Variants in CPLANE1 observed in about 807,000 individuals in gnomAD.
The protein encoded by CPLANE1 is ciliogenesis and planar polarity effector complex subunit 1, also known as ciliogenesis and planar polarity effector 1.
CPLANE1 carries 263 observed loss-of-function variants against 362.5 expected under a neutral mutation model. The observed-to-expected ratio is 0.73, with a 90% confidence interval of 0.66 to 0.80. The LOEUF is 0.80. Among genes scored for constraint, CPLANE1 ranks in the 30% least tolerant of loss-of-function variants. The probability of loss-of-function intolerance (pLI) is 0.00; values close to 1 mark genes in which losing one functional copy is unlikely to be tolerated. For synonymous variants in CPLANE1, 1,212 were observed against 1,302.6 expected (o/e 0.93, Z 1.50); for missense variants, 3,461 against 3,793.4 (o/e 0.91, Z 2.30).
At chr5:37,180,249 G>GTT (rs369468634) in intron 27 of CPLANE1, 66 bp from the exon 28 acceptor site, 174 of 974,254 alleles carry the variant, frequency 1.8e-4, no homozygotes, top group African/African-American at 1.1e-3. Context: ...TCAGTTTTGG[G>GTT]TTTTTTTTTT....
chr5:37,244,757 C>A, intron 4 of CPLANE1, 150 bp from the exon 5 acceptor site: 1 of 613,620 alleles, frequency 1.6e-6, no homozygotes, highest in East Asian at 2.8e-5. Context: ...AAAATACAAT[C>A]CAGGCACGGC....
rs1164287565 is a variant in CPLANE1, at chr5:37,107,372, A to C, written c.*230T>G. 2.4e-6 allele frequency: 3 copies of C among 1,232,532 alleles called. No individual in the cohort carries two copies. The highest frequency in any genetic ancestry group is 3.0e-6 in the Non-Finnish European group (3 of 985,982). 76.3% of individuals were successfully genotyped at this position (1,232,532 alleles called of 1,614,324 possible). On this transcript the variant is annotated 3_prime_UTR_variant, in exon 53 of 53. Transcript: ENST00000651892. Reference sequence around the variant, plus strand: ...AAAAATTATGCCTAATGATGCATCAAATACAAAAACATATAATACATCAAT... The same window carrying C: ...AAAAATTATGCCTAATGATGCATCACATACAAAAACATATAATACATCAAT...
intron 34 of CPLANE1, among the ~76,000 whole-genome samples, chr5:37,167,737 C>T (rs1215033264): frequency 2.0e-5 from 3 of 152,172 alleles, no homozygotes; most frequent in Non-Finnish European, 4.4e-5. Context: ...GAGATGGCGC[C>T]ATTACACTCC....
chr5:37,108,042 G>A (rs1168640827), intron 52 of CPLANE1, among the ~76,000 whole-genome samples: 1 of 152,162 alleles, frequency 6.6e-6, no homozygotes, highest in Non-Finnish European at 1.5e-5. Flanking sequence ...CTTGTAGTAC[G>A]ATTTTATGTT....
At position 37,205,429 on chromosome 5, in the gene CPLANE1, G is replaced by A; in HGVS notation, c.3175C>T (p.Pro1059Ser). The change falls in exon 18 of 53, where the codon CCA becomes TCA. Residue 1059 changes from proline (P) to serine (S), a missense_variant. By Grantham distance (74) the Pro-to-Ser change is moderately conservative (BLOSUM62 -1). Coordinates refer to ENST00000651892, the MANE Select transcript of CPLANE1 (RefSeq NM_001384732.1). ...MRSKKKSLNL[P>S]LRMTPAQIFQ... is the part of the protein sequence containing the mutation. ...ATCTGTGCTGGAGTCATACGGAGTG[G>A]TAGATTCAGACTCTTTTTCTTGGAC... The A allele has an allele frequency of 6.5e-7, 1 of 1,544,076 alleles. No homozygotes were observed. Among genetic ancestry groups the A allele is most frequent in the South Asian group, 1.2e-5 (1 of 82,060 alleles).
At position 37,180,021 on chromosome 5, in the gene CPLANE1, A is replaced by C. The variant is rs770770257; in HGVS notation, c.5733T>G (p.Tyr1911Ter). The C allele has an allele frequency of 9.7e-6, 15 of 1,542,360 alleles. No individual in the cohort carries two copies. Among genetic ancestry groups the C allele is most frequent in the African/African-American group, 1.4e-5 (1 of 70,940 alleles). Residue 1911 changes from tyrosine to a stop codon, truncating the protein, a stop_gained, in exon 28 of 53, where the codon TAT becomes TAG. Coordinates refer to ENST00000651892, the MANE Select transcript of CPLANE1 (RefSeq NM_001384732.1). LOFTEE classifies it high-confidence loss of function. ...AGATTATCTAAATGAACTGACCTTC[A>C]TAGTCTGATATGTGCATATCCATTT... ...EEEMDMHISD[Y>*]EEDIEESVGG... is the part of the protein sequence containing the mutation.
At chr5:37,127,264 G>A (rs1053185375) in intron 46 of CPLANE1, among the ~76,000 whole-genome samples, 2 of 152,116 alleles carry the variant, frequency 1.3e-5, no homozygotes, top group East Asian at 3.9e-4. Context: ...TCTGAACCTG[G>A]AGGTGATCTT....
chr5:37,117,799 G>A (rs1464795545), intron 50 of CPLANE1, among the ~76,000 whole-genome samples: 2 of 152,228 alleles, frequency 1.3e-5, no homozygotes, highest in African/African-American at 4.8e-5. Flanking sequence ...AGCAAGGGCA[G>A]GTGAGATTAA....
chr5:37,092,518 C>T, the CPLANE1 span, among the ~76,000 whole-genome samples: 1 of 152,240 alleles, frequency 6.6e-6, no homozygotes, highest in Non-Finnish European at 1.5e-5. Context: ...AGCCCATAGC[C>T]TCCAGTTAGG....
In CPLANE1 at chr5:37,224,271, G is replaced by C. The variant is rs1285358729; in HGVS notation, c.2563C>G (p.Gln855Glu). The C allele has an allele frequency of 1.3e-6, 2 of 1,548,166 alleles. No homozygotes were observed. Among genetic ancestry groups the C allele is most frequent in the Non-Finnish European group, 1.7e-6 (2 of 1,145,054 alleles). Residue 855 changes from glutamine to glutamate, a missense_variant, in exon 14 of 53, where the codon CAA becomes GAA. This residue lies in a region of CPLANE1 where 3,380 missense variants were observed against 3,666.1 expected (regional missense o/e 0.92). Transcript: ENST00000651892. ...KSVQLWKKAL[Q>E]EIEEKGGRRT... is the part of the protein sequence containing the mutation. Reference sequence around the variant, plus strand: ...CTCTTACCTTTCTCTTCGATTTCTTGTAGAGCTTTTTTCCACAGCTGAACA... The same window carrying C: ...CTCTTACCTTTCTCTTCGATTTCTTCTAGAGCTTTTTTCCACAGCTGAACA...
chr5:37,163,629 G>A (rs904389043), intron 37 of CPLANE1, among the ~76,000 whole-genome samples: 1 of 152,182 alleles, frequency 6.6e-6, no homozygotes, highest in Non-Finnish European at 1.5e-5. Context: ...CCAGTTTCTT[G>A]CACACAGGTC....
chr5:37,078,776 T>C, the CPLANE1 span, among the ~76,000 whole-genome samples: 3 of 152,114 alleles, frequency 2.0e-5, no homozygotes, highest in Admixed American at 6.5e-5. Context: ...TGGTATTTCA[T>C]TGTGGTTTTG....
chr5:37,148,263 T>C lies in CPLANE1; in HGVS notation c.8379A>G (p.Gly2793=). 1 of 1,604,592 alleles carries C rather than the reference T, an allele frequency of 6.2e-7. No homozygotes were observed. The highest frequency in any genetic ancestry group is 8.5e-7 in the Non-Finnish European group (1 of 1,174,092). ...EMLDLHCDKI[G]PVDHIEFSSG... ...AAGAGAATTCAATGTGATCCACTGG[T>C]CCAATCTGTAGAAAAAACACACACA... The change falls in exon 43 of 53, where the codon GGA becomes GGG. Residue 2793 remains glycine, a synonymous_variant. Coordinates refer to ENST00000651892, the MANE Select transcript of CPLANE1 (RefSeq NM_001384732.1).
chr5:37,117,851 G>A (rs1043696407), intron 50 of CPLANE1, among the ~76,000 whole-genome samples: 7 of 152,162 alleles, frequency 4.6e-5, no homozygotes, highest in Non-Finnish European at 2.9e-5. Flanking sequence ...CAAAGCACAA[G>A]GTAAAAATAA....
In CPLANE1 at chr5:37,239,811, G is replaced by T; in HGVS notation, c.736C>A (p.Pro246Thr). ...CTTGACTTTACTGATTCACATTTAGGAATTAAACTACAGAGATGACAGTCT... is the reference window on the plus strand; with the variant it reads ...CTTGACTTTACTGATTCACATTTAGTAATTAAACTACAGAGATGACAGTCT... ...QQDCHLCSLI[P>T]KCESVKSRGA... Residue 246 changes from proline (P) to threonine (T), a missense_variant, in exon 7 of 53, where the codon CCT becomes ACT. Physicochemically the swap from Pro to Thr is conservative, Grantham distance 38. Around this residue, in one of 2 missense-constraint regions of CPLANE1, gnomAD observed 3,380 missense variants for 3,666.1 expected, o/e 0.92. Coordinates refer to ENST00000651892, the MANE Select transcript of CPLANE1 (RefSeq NM_001384732.1). 1 of 1,544,498 alleles carries T rather than the reference G, an allele frequency of 6.5e-7. No individual in the cohort carries two copies. The highest frequency in any genetic ancestry group is 8.8e-7 in the Non-Finnish European group (1 of 1,142,768).
chr5:37,231,011 CTA>C lies in CPLANE1; in HGVS notation c.975_976del (p.Asp325GlufsTer21). 6.5e-7 allele frequency: 1 copy of C among 1,549,344 alleles called. No individual in the cohort carries two copies. The highest frequency in any genetic ancestry group is 8.7e-7 in the Non-Finnish European group (1 of 1,145,788). The stretch of plus-strand genomic sequence containing the variant: ...TTTTAACATACAAGCCAGAAAAAGA[CTA>C]TCATGCGTCCAGCTGATATCACCTA... On this transcript the variant is annotated frameshift_variant, in exon 9 of 53. Transcript: ENST00000651892.
chr5:37,180,117 A>G lies in CPLANE1; in HGVS notation c.5637T>C (p.Thr1879=). ...KEINDDIISI[T]HNTKKEFIDI... ...CTATAAATTCTTTTTTAGTATTATG[A>G]GTGATGGAAATAATATCATCATTGA... The change falls in exon 28 of 53, where the codon ACT becomes ACC. Residue 1879 remains threonine, a synonymous_variant. Transcript: ENST00000651892. The G allele has an allele frequency of 6.4e-7, 1 of 1,555,294 alleles. No individual in the cohort carries two copies. Among genetic ancestry groups the G allele is most frequent in the African/African-American group, 1.4e-5 (1 of 72,464 alleles).
At chr5:37,148,091 C>T (rs1772276925) in intron 43 of CPLANE1, 90 bp downstream of exon 43, 4 of 707,210 alleles carry the variant, frequency 5.7e-6, no homozygotes, top group Non-Finnish European at 8.7e-6. Context: ...ATGAAAACTA[C>T]TCCTACTTCT....
chr5:37,204,002 G>A (rs1789985740), intron 18 of CPLANE1, among the ~76,000 whole-genome samples: 3 of 152,150 alleles, frequency 2.0e-5, no homozygotes, highest in Non-Finnish European at 4.4e-5. Context: ...CCTTTAAGTG[G>A]ATATTTTTTG....
Sources: gnomAD v4.1 joint callset for allele counts (sites outside exome capture counted in the v4.1 genomes callset) on GRCh38, gnomAD v4.1.1 for gene constraint, gnomAD v4.1.1 regional missense constraint, MANE v1.5 for transcripts, NCBI Gene and HGNC (gene_info 2026-07-23, HGNC 2026-07-21) for gene names.